LRRC4C: variants seen among roughly 807,000 people sequenced by gnomAD.
LRRC4C encodes leucine-rich repeat-containing protein 4C.
LRRC4C carries 5 observed loss-of-function variants against 33.6 expected under a neutral mutation model. That is an observed-to-expected ratio of 0.15 (90% CI 0.08 to 0.31). The LOEUF is 0.31. LRRC4C is among the 10% of genes least tolerant of loss of function. The pLI, the probability that LRRC4C is intolerant of heterozygous loss-of-function variation, is 1.00. For synonymous variants in LRRC4C, 329 were observed against 302.0 expected (o/e 1.09, Z -0.93); for missense variants, 560 against 796.7 (o/e 0.70, Z 3.58).
chr11:40,965,141 T>G lies in LRRC4C; in HGVS notation c.-495-31418A>C, dbSNP rs1346865086. Among the ~76,000 whole-genome samples the G allele has an allele frequency of 3.3e-5, 5 of 152,308 alleles. No individual in the cohort carries two copies. In the South Asian group the frequency reaches 1.0e-3, roughly 32 times the overall value. On this transcript the variant is annotated intron_variant, in intron 1 of 6. Transcript: ENST00000528697. ...GGCCAGTGATGATGAGCATTTTTCA[T>G]GTGTTTTTTGGCTGCATAAATGTCT...
intron 1 of LRRC4C, among the ~76,000 whole-genome samples, chr11:41,108,998 C>G (rs967407912): frequency 1.3e-5 from 2 of 152,060 alleles, no homozygotes; most frequent in East Asian, 3.9e-4. Context: ...TCTCAAAGTC[C>G]TTTTTTGATA....
chr11:40,624,280 G>T (rs995704568), intron 3 of LRRC4C, among the ~76,000 whole-genome samples: 4 of 152,054 alleles, frequency 2.6e-5, no homozygotes, highest in Admixed American at 2.6e-4. Context: ...ATAAAACTTG[G>T]TTATGAAGTT....
intron 4 of LRRC4C, among the ~76,000 whole-genome samples, chr11:40,284,759 C>T (rs943989317): frequency 5.9e-5 from 9 of 152,024 alleles, no homozygotes; most frequent in Non-Finnish European, 1.3e-4. Flanking sequence ...TGTAAATATC[C>T]AAGTTTTTAT....
chr11:41,235,308 C>G (rs1275574901), intron 1 of LRRC4C, among the ~76,000 whole-genome samples: 3 of 141,126 alleles, frequency 2.1e-5, no homozygotes, highest in Non-Finnish European at 4.7e-5. Flanking sequence ...CTTACCTACT[C>G]TCACTTCTAT....
chr11:40,716,404 C>CA (rs1312134978), intron 2 of LRRC4C, among the ~76,000 whole-genome samples: 1 of 152,024 alleles, frequency 6.6e-6, no homozygotes, highest in Non-Finnish European at 1.5e-5. Context: ...GGTAATAAAT[C>CA]AGTTTTTCAT....
chr11:41,401,174 G>A (rs1410935643), intron 1 of LRRC4C, among the ~76,000 whole-genome samples: 1 of 151,708 alleles, frequency 6.6e-6, no homozygotes, highest in African/African-American at 2.4e-5. Flanking sequence ...AGGATGTACT[G>A]TACTATTTAC....
intron 3 of LRRC4C, among the ~76,000 whole-genome samples, chr11:40,522,216 G>T (rs1955846217): frequency 2.0e-5 from 3 of 152,168 alleles, no homozygotes; most frequent in Admixed American, 6.5e-5. Context: ...TTTTAGTAGA[G>T]ACGAGGTCTT....
At chr11:40,367,702 T>C (rs1948272274) in intron 3 of LRRC4C, among the ~76,000 whole-genome samples, 1 of 152,158 alleles carries the variant, frequency 6.6e-6, no homozygotes, top group South Asian at 2.1e-4. Context: ...AACACTTTTG[T>C]GAAATGTCAT....
chr11:41,367,003 T>C (rs1231494532), intron 1 of LRRC4C, among the ~76,000 whole-genome samples: 3 of 152,184 alleles, frequency 2.0e-5, no homozygotes, highest in Non-Finnish European at 1.5e-5. Flanking sequence ...ACTTGATAAT[T>C]TGCAAGAGCC....
intron 3 of LRRC4C, among the ~76,000 whole-genome samples, chr11:40,357,769 A>C (rs1313077897): frequency 1.3e-5 from 2 of 152,152 alleles, no homozygotes; most frequent in Non-Finnish European, 2.9e-5. Context: ...CAAAGCCTAC[A>C]ACGTATCCCT....
At chr11:40,874,509 A>T (rs1954793988) in intron 2 of LRRC4C, among the ~76,000 whole-genome samples, 1 of 152,164 alleles carries the variant, frequency 6.6e-6, no homozygotes, top group Admixed American at 6.6e-5. Flanking sequence ...CTCAGCTTTG[A>T]TGTCACATCA....
chr11:40,720,295 A>G lies in LRRC4C; in HGVS notation c.-406-72017T>C, dbSNP rs1014586609. Among the ~76,000 whole-genome samples, 4 of 152,198 alleles carry G rather than the reference A, an allele frequency of 2.6e-5. No homozygotes were observed. The East Asian group carries it at 7.7e-4, about 29-fold the overall frequency. ...TTTCAAATATAGGCATCTTTCTTTT[A>G]TTTCATTTTTAGGTAACCTAGTTCA... On this transcript the variant is annotated intron_variant, in intron 2 of 6. Transcript: ENST00000528697.
chr11:41,316,704 A>G (rs1950808392), intron 1 of LRRC4C, among the ~76,000 whole-genome samples: 1 of 152,192 alleles, frequency 6.6e-6, no homozygotes, highest in Non-Finnish European at 1.5e-5. Flanking sequence ...TATCTCTGAC[A>G]TGCATTGTAA....
At position 40,766,092 on chromosome 11, in the gene LRRC4C, A is replaced by C. The variant is rs1239408684; in HGVS notation, c.-406-117814T>G. On this transcript the variant is annotated intron_variant, in intron 2 of 6. Transcript: ENST00000528697. ...ATCCTAAAAGCAGCAAGAAAAAAAA[A>C]AAAACATACAAAGGAGCTCCAATAG... Among the ~76,000 whole-genome samples, 9 of 151,670 alleles carry C rather than the reference A, an allele frequency of 5.9e-5. No individual in the cohort carries two copies. In the South Asian group the frequency reaches 1.9e-3, roughly 31 times the overall value.
intron 3 of LRRC4C, among the ~76,000 whole-genome samples, chr11:40,534,031 A>G (rs1226434286): frequency 6.6e-6 from 1 of 152,178 alleles, no homozygotes; most frequent in Non-Finnish European, 1.5e-5. Context: ...ATTTAGGAAC[A>G]TTGTTATGAA....
At chr11:40,135,194 A>C (rs1590473007) in intron 6 of LRRC4C, among the ~76,000 whole-genome samples, 1 of 152,338 alleles carries the variant, frequency 6.6e-6, no homozygotes, top group Non-Finnish European at 1.5e-5. Context: ...GTTTCTTCCT[A>C]ATGACTGCAA....
intron 3 of LRRC4C, among the ~76,000 whole-genome samples, chr11:40,461,934 G>A (rs950622103): frequency 3.3e-5 from 5 of 151,730 alleles, no homozygotes. Context: ...GAGAAGAAAG[G>A]ACAGAGGGAG....
intron 1 of LRRC4C, among the ~76,000 whole-genome samples, chr11:41,021,536 A>T (rs2137679288): frequency 1.3e-5 from 2 of 152,244 alleles, no homozygotes; most frequent in East Asian, 3.9e-4. Context: ...AGGTTAATAC[A>T]CAAAACTCAA....
chr11:40,559,230 G>T (rs1324282229), intron 3 of LRRC4C, among the ~76,000 whole-genome samples: 2 of 146,386 alleles, frequency 1.4e-5, no homozygotes, highest in African/African-American at 5.0e-5. Context: ...TGCCACCCAG[G>T]TTGGAGTGCA....
Sources: allele counts gnomAD v4.1 joint callset (sites outside exome capture counted in the v4.1 genomes callset), GRCh38; gene constraint gnomAD v4.1.1; transcripts MANE v1.5; gene names NCBI Gene and HGNC (gene_info 2026-07-23, HGNC 2026-07-21).